The following ADCY1 variants were observed in gnomAD, a reference collection of about 807,000 sequenced individuals.
The protein encoded by ADCY1 is adenylate cyclase 1.
Under a neutral mutation model 105.4 loss-of-function variants are expected in ADCY1, and 28 were observed. That is an observed-to-expected ratio of 0.27 (90% CI 0.20 to 0.36). The LOEUF is 0.36. Among genes scored for constraint, ADCY1 ranks in the 10% least tolerant of loss-of-function variants. ADCY1 has a pLI of 1.00. For missense variants in ADCY1, 977 were observed against 1,434.2 expected, an observed-to-expected ratio of 0.68 and a Z score of 5.15; for synonymous variants, 655 against 623.8, an observed-to-expected ratio of 1.05 and a Z score of -0.75.
At chr7:45,675,173 G>A (rs1478243656) in intron 8 of ADCY1, among the ~76,000 whole-genome samples, 2 of 151,720 alleles carry the variant, frequency 1.3e-5, no homozygotes, top group East Asian at 3.9e-4. Flanking sequence ...ATTCCATTTT[G>A]ATTTATATAT....
At chr7:45,658,175 T>A (rs1347778875) in intron 6 of ADCY1, among the ~76,000 whole-genome samples, 3 of 152,246 alleles carry the variant, frequency 2.0e-5, no homozygotes, top group Non-Finnish European at 4.4e-5. Context: ...CCTCTGCCCA[T>A]GGCATGGTGC....
rs1785433986 is a variant in ADCY1, at chr7:45,719,792, G to GA, written c.*5799dup. 6.6e-6 allele frequency: 1 copy of GA among 152,168 alleles called. No individual in the cohort carries two copies. The highest frequency in any genetic ancestry group is 2.4e-5 in the African/African-American group (1 of 41,432). The allele number at this position is 152,168 out of a possible 1,614,324, so 9.4% of individuals were successfully genotyped here. A position where few individuals can be genotyped will look rare whatever the true frequency, so the allele number is the denominator to read the frequency against. ...ATAACTGCCACGCAGGGCATTTGGG[G>GA]AACCATCCCCGAATGCCCTGATGTG... On this transcript the variant is annotated 3_prime_UTR_variant, in exon 20 of 20. Coordinates refer to ENST00000297323, the MANE Select transcript of ADCY1 (RefSeq NM_021116.4).
chr7:45,706,492 C>CAAAAAA (rs58794109), intron 17 of ADCY1, among the ~76,000 whole-genome samples: 68 of 59,412 alleles, frequency 1.1e-3, no homozygotes, highest in Non-Finnish European at 1.3e-3. Context: ...ACATCACATG[C>CAAAAAA]AAAAAAAAAA....
intron 16 of ADCY1, 38 bp from the exon 17 acceptor site, chr7:45,704,480 G>A (rs1785070459): frequency 2.5e-6 from 4 of 1,592,380 alleles, no homozygotes; most frequent in Middle Eastern, 1.7e-4. Context: ...TTTCTCAAAT[G>A]TTATGTCATG....
At chr7:45,659,451 T>C (rs1485843555) in intron 6 of ADCY1, among the ~76,000 whole-genome samples, 3 of 152,086 alleles carry the variant, frequency 2.0e-5, no homozygotes, top group Non-Finnish European at 2.9e-5. Context: ...AGACTGTGGG[T>C]GTTCGTTTTC....
At chr7:45,659,238 C>T (rs767409332) in intron 6 of ADCY1, among the ~76,000 whole-genome samples, 2 of 152,222 alleles carry the variant, frequency 1.3e-5, no homozygotes, top group African/African-American at 2.4e-5. Flanking sequence ...TCAACTGCCT[C>T]CTATCTGAGC....
At chr7:45,606,304 A>G (rs1442084936) in intron 2 of ADCY1, among the ~76,000 whole-genome samples, 2 of 151,918 alleles carry the variant, frequency 1.3e-5, no homozygotes, top group Non-Finnish European at 2.9e-5. Flanking sequence ...TGGCCTCTCT[A>G]CTTGGCCTTT....
Position 45,574,809 on chromosome 7 carries a change from G to C in ADCY1, c.266G>C (p.Gly89Ala). 2 of 1,593,764 alleles carry C rather than the reference G, an allele frequency of 1.3e-6. No individual in the cohort carries two copies. Among genetic ancestry groups the C allele is most frequent in the Non-Finnish European group, 8.5e-7 (1 of 1,174,070 alleles). The stretch of plus-strand genomic sequence containing the variant: ...CTGGGCGCGCCGGGGCCCGCGCCCG[G>C]CCTGGCCAAGGGCTCACACCCGGTG... ...ELLGAPGPAP[G>A]LAKGSHPVHC... The change falls in exon 1 of 20, where the codon GGC becomes GCC. Residue 89 changes from glycine (G) to alanine (A), a missense_variant. By Grantham distance (60) the Gly-to-Ala change is moderately conservative. Coordinates refer to ENST00000297323, the MANE Select transcript of ADCY1 (RefSeq NM_021116.4). The surrounding 1 kb of genome is among the most constrained non-coding windows in gnomAD (Gnocchi z 7.0).
At position 45,660,191 on chromosome 7, in the gene ADCY1, C is replaced by T. The variant is rs545478777; in HGVS notation, c.1449+8C>T. ...CCATCCCATCGCCGAAAGGTAGGCA[C>T]CAGAGCCCCCCTCATTTGGTTGATC... On this transcript the variant is annotated splice_region_variant and intron_variant, in intron 7 of 19. Coordinates refer to ENST00000297323, the MANE Select transcript of ADCY1 (RefSeq NM_021116.4). 2.3e-4 allele frequency: 372 copies of T among 1,614,048 alleles called. 4 individuals carry two copies. The South Asian group carries it at 3.8e-3, about 17-fold the overall frequency.
chr7:45,662,702 C>T (rs1039602744), intron 8 of ADCY1, among the ~76,000 whole-genome samples: 13 of 152,134 alleles, frequency 8.5e-5, no homozygotes, highest in Admixed American at 6.5e-4. Flanking sequence ...CTGTTACTCT[C>T]GGTTAGCAGC....
intron 2 of ADCY1, among the ~76,000 whole-genome samples, chr7:45,597,991 G>A (rs1562680641): frequency 6.6e-6 from 1 of 152,158 alleles, no homozygotes; most frequent in Admixed American, 6.5e-5. Context: ...CAGAACAAAG[G>A]GTCACCCTGG....
chr7:45,666,606 AT>A (rs1263258023), intron 8 of ADCY1, among the ~76,000 whole-genome samples: 5 of 152,214 alleles, frequency 3.3e-5, no homozygotes, highest in Non-Finnish European at 5.9e-5. Context: ...ATTTGTCTTT[AT>A]AGCAGCATGA....
intron 2 of ADCY1, among the ~76,000 whole-genome samples, chr7:45,600,632 G>A (rs1736572577): frequency 1.3e-5 from 2 of 152,236 alleles, no homozygotes; most frequent in African/African-American, 4.8e-5. Flanking sequence ...GTCAGCTTAG[G>A]CTGTGTAACA....
chr7:45,624,634 C>G (rs896420714), intron 4 of ADCY1, among the ~76,000 whole-genome samples: 3 of 152,186 alleles, frequency 2.0e-5, no homozygotes, highest in Non-Finnish European at 4.4e-5. Flanking sequence ...GGAAAGCCCA[C>G]TTCATCTTTC....
rs775492975 is a variant in ADCY1, at chr7:45,622,743, G to A, written c.1020G>A (p.Thr340=). 6.2e-7 allele frequency: 1 copy of A among 1,608,828 alleles called. No individual in the cohort carries two copies. The highest frequency in any genetic ancestry group is 1.1e-5 in the South Asian group (1 of 90,158). Residue 340 remains threonine (T), a splice_region_variant and synonymous_variant, in exon 4 of 20, where the codon ACG becomes ACA. Transcript: ENST00000297323. ...ELFGKFDELA[T]ENHCRRIKIL... ...TCGGCAAGTTCGATGAATTAGCCAC[G>A]GTAAGTGCAGCGTTTTTCTTTGTTC...
At chr7:45,580,459 C>T (rs1266759552) in intron 1 of ADCY1, among the ~76,000 whole-genome samples, 2 of 152,172 alleles carry the variant, frequency 1.3e-5, no homozygotes, top group African/African-American at 4.8e-5. Context: ...GGCTTGAGCA[C>T]GGGGCTGGGG....
chr7:45,710,422 G>T lies in ADCY1; in HGVS notation c.2933-106G>T. 1 of 1,501,330 alleles carries T rather than the reference G, an allele frequency of 6.7e-7. No individual in the cohort carries two copies. Among genetic ancestry groups the T allele is most frequent in the East Asian group, 2.3e-5 (1 of 43,516 alleles). 93.0% of individuals were successfully genotyped at this position (1,501,330 alleles called of 1,614,324 possible). A position where few individuals can be genotyped will look rare whatever the true frequency, so the allele number is the denominator to read the frequency against. On this transcript the variant is annotated intron_variant, in intron 18 of 19. Coordinates refer to ENST00000297323, the MANE Select transcript of ADCY1 (RefSeq NM_021116.4). This position sits in a 1 kb window ranked among gnomAD's most constrained non-coding sequence, Gnocchi z 4.7. ...CCCAGGAAACAAAGCCCTGAAAGGA[G>T]CAGCCTTTTCTCCACCAGGAGCAGC...
intron 4 of ADCY1, among the ~76,000 whole-genome samples, chr7:45,644,956 G>T (rs1324855666): frequency 6.6e-6 from 1 of 152,182 alleles, no homozygotes; most frequent in Non-Finnish European, 1.5e-5. Context: ...GCCCAGGAGG[G>T]TTCTCAGCTT....
At chr7:45,609,534 GA>G (rs1048091121) in intron 2 of ADCY1, among the ~76,000 whole-genome samples, 10 of 152,204 alleles carry the variant, frequency 6.6e-5, no homozygotes, top group Non-Finnish European at 8.8e-5. Flanking sequence ...TGTTCTACCT[GA>G]TTCTACGTGG....
Sources: gnomAD v4.1 joint callset for allele counts (sites outside exome capture counted in the v4.1 genomes callset) on GRCh38, gnomAD v4.1.1 for gene constraint, Gnocchi (gnomAD v3.1) non-coding constraint, MANE v1.5 for transcripts, NCBI Gene and HGNC (gene_info 2026-07-23, HGNC 2026-07-21) for gene names.